DPYSL2: variants seen among roughly 807,000 people sequenced by gnomAD.
DPYSL2 encodes dihydropyrimidinase like 2.
Under a neutral mutation model 69.9 loss-of-function variants are expected in DPYSL2, and 13 were observed. The ratio of observed to expected loss-of-function variants is 0.19; its 90% CI spans 0.12 to 0.30. DPYSL2 has a LOEUF of 0.30. DPYSL2 is among the 10% of genes least tolerant of loss of function. DPYSL2 has a pLI of 1.00. For synonymous variants in DPYSL2, 326 were observed against 359.1 expected (o/e 0.91, Z 1.04); for missense variants, 587 against 918.9 (o/e 0.64, Z 4.67).
At chr8:26,539,802 A>G (rs902096171) in intron 1 of DPYSL2, among the ~76,000 whole-genome samples, 4 of 152,140 alleles carry the variant, frequency 2.6e-5, no homozygotes, top group Non-Finnish European at 5.9e-5. Flanking sequence ...GCCCTGCCAG[A>G]GTAGGATCGC....
intron 1 of DPYSL2, chr8:26,577,131 G>C (rs184408231): frequency 4.5e-6 from 2 of 444,604 alleles, no homozygotes; most frequent in South Asian, 1.6e-5. Context: ...TTCCCGGCTC[G>C]GAGTTGGAAG....
chr8:26,520,745 G>T (rs1411769635), intron 1 of DPYSL2, among the ~76,000 whole-genome samples: 1 of 152,138 alleles, frequency 6.6e-6, no homozygotes, highest in Non-Finnish European at 1.5e-5. Context: ...ACCATGACCA[G>T]GTGGCTTGAA....
intron 1 of DPYSL2, among the ~76,000 whole-genome samples, chr8:26,521,713 CT>C (rs200173008): frequency 2.0e-5 from 3 of 151,166 alleles, no homozygotes; most frequent in African/African-American, 4.9e-5. Flanking sequence ...CTGCATTCTG[CT>C]TTTTTTTTCC....
chr8:26,556,169 ATATATAG>A lies in DPYSL2; in HGVS notation c.355-25793_355-25787del, dbSNP rs1462157581. 4.8e-4 allele frequency among the ~76,000 whole-genome samples: 14 copies of A among 29,098 alleles called. 1 individual carries two copies. The highest frequency in any genetic ancestry group is 6.3e-4 in the Non-Finnish European group (11 of 17,514). 19.1% of individuals were successfully genotyped at this position (29,098 alleles called of 152,430 possible). A position where few individuals can be genotyped will look rare whatever the true frequency, so the allele number is the denominator to read the frequency against. On this transcript the variant is annotated intron_variant, in intron 1 of 13. Transcript: ENST00000521913. ...GTATATACTATATATAGTATATACT[ATATATAG>A]TATATACTATATATATTATATATAC... is the stretch of plus-strand genomic sequence containing the variant.
chr8:26,565,701 AGG>A lies in DPYSL2; in HGVS notation c.355-16267_355-16266del, dbSNP rs1801137211. The stretch of plus-strand genomic sequence containing the variant: ...CTATGTATAATGACTCGAGCACAAA[AGG>A]AGTTTATTTGTATATCACATAATAG... On this transcript the variant is annotated intron_variant, in intron 1 of 13. Coordinates refer to ENST00000521913, the MANE Select transcript of DPYSL2 (RefSeq NM_001197293.3). The surrounding 1 kb of genome is among the most constrained non-coding windows in gnomAD (Gnocchi z 4.1). 1.3e-5 allele frequency among the ~76,000 whole-genome samples: 2 copies of A among 152,214 alleles called. 1 individual carries two copies. The highest frequency in any genetic ancestry group is 4.1e-4 in the South Asian group (2 of 4,834).
chr8:26,515,037 G>C (rs1808254532), intron 1 of DPYSL2, among the ~76,000 whole-genome samples: 1 of 152,216 alleles, frequency 6.6e-6, no homozygotes, highest in Admixed American at 6.5e-5. Flanking sequence ...TTGCAGCTGC[G>C]GCTGGGTGCC....
At chr8:26,545,902 T>C (rs945507269) in intron 1 of DPYSL2, among the ~76,000 whole-genome samples, 1 of 152,244 alleles carries the variant, frequency 6.6e-6, no homozygotes, top group African/African-American at 2.4e-5. Flanking sequence ...CATAGCTTTA[T>C]AGTAAATCTT....
intron 3 of DPYSL2, among the ~76,000 whole-genome samples, chr8:26,622,142 CTT>C (rs1232485910): frequency 1.6e-4 from 8 of 50,970 alleles, no homozygotes; most frequent in East Asian, 5.4e-4. Flanking sequence ...TCCTTCCTTC[CTT>C]CCTTCCTTCC....
chr8:26,655,797 GTTT>G lies in DPYSL2; in HGVS notation c.*100_*102del. The G allele has an allele frequency of 3.8e-6, 3 of 785,338 alleles. No individual in the cohort carries two copies. The highest frequency in any genetic ancestry group is 5.2e-6 in the Non-Finnish European group (3 of 574,108). 48.6% of individuals were successfully genotyped at this position (785,338 alleles called of 1,614,324 possible). ...TTTCTTCCTTCCTTTTTTTTTTTTTGTTTTTTTTTTTAAGAGCCTGTGATAGTT... is the reference window on the plus strand; with the variant it reads ...TTTCTTCCTTCCTTTTTTTTTTTTTGTTTTTTTTAAGAGCCTGTGATAGTT... On this transcript the variant is annotated 3_prime_UTR_variant, in exon 14 of 14. Transcript: ENST00000521913.
intron 1 of DPYSL2, chr8:26,548,126 G>A (rs1800810446): frequency 4.6e-6 from 1 of 218,894 alleles, no homozygotes; most frequent in Non-Finnish European, 9.5e-6. Flanking sequence ...GGGAGAAGGT[G>A]CTGGAGAGGA....
intron 1 of DPYSL2, among the ~76,000 whole-genome samples, chr8:26,544,189 G>A (rs1026114848): frequency 2.0e-5 from 3 of 152,146 alleles, no homozygotes; most frequent in African/African-American, 7.2e-5. Context: ...ATCAGGACTT[G>A]CTTGTCCTTT....
chr8:26,617,865 G>T lies in DPYSL2; in HGVS notation c.629-6278G>T, dbSNP rs1802391548. ...AGTAGCAGGGGTAGGAGGGAATGGG[G>T]AGTGACTGTAAGTGGGTACCAGGTT... is the stretch of plus-strand genomic sequence containing the variant. On this transcript the variant is annotated intron_variant, in intron 3 of 13. Coordinates refer to ENST00000521913, the MANE Select transcript of DPYSL2 (RefSeq NM_001197293.3). This position sits in a 1 kb window ranked among gnomAD's most constrained non-coding sequence, Gnocchi z 4.7. Among the ~76,000 whole-genome samples, 1 of 152,182 alleles carries T rather than the reference G, an allele frequency of 6.6e-6. No individual in the cohort carries two copies. Among genetic ancestry groups the T allele is most frequent in the Admixed American group, 6.5e-5 (1 of 15,284 alleles).
Position 26,583,857 on chromosome 8 carries a change from C to T in DPYSL2, c.502C>T (p.Arg168Trp), listed in dbSNP as rs1331172856. The T allele has an allele frequency of 1.5e-5, 24 of 1,614,012 alleles. No homozygotes were observed. The highest frequency in any genetic ancestry group is 3.3e-4 in the Middle Eastern group (2 of 6,084). ...AGTGAAGACCATCGAGGCCCACTCC[C>T]GGATGGTGATCCCCGGAGGAATTGA... is the stretch of plus-strand genomic sequence containing the variant. Reference protein sequence around the residue: ...GGVKTIEAHSRMVIPGGIDVH... With the variant: ...GGVKTIEAHSWMVIPGGIDVH... Residue 168 changes from arginine (R) to tryptophan (W), a missense_variant, in exon 3 of 14, where the codon CGG (arginine) becomes TGG (tryptophan). Arg to Trp is a moderately radical substitution (Grantham distance 101). This residue lies in a region of DPYSL2 where 452 missense variants were observed against 754.3 expected (regional missense o/e 0.60). Coordinates refer to ENST00000521913, the MANE Select transcript of DPYSL2 (RefSeq NM_001197293.3).
intron 1 of DPYSL2, among the ~76,000 whole-genome samples, chr8:26,530,929 C>T (rs899340151): frequency 6.6e-6 from 1 of 151,996 alleles, no homozygotes; most frequent in Non-Finnish European, 1.5e-5. Context: ...TGTGGTGGCT[C>T]AGGCCTGTAG....
chr8:26,567,469 G>A (rs1801171000), intron 1 of DPYSL2, among the ~76,000 whole-genome samples: 1 of 152,218 alleles, frequency 6.6e-6, no homozygotes, highest in Non-Finnish European at 1.5e-5. Context: ...TACAGGCAAG[G>A]CCTTACGGTG....
rs1306382180 is a variant in DPYSL2 at position 26,641,180 on chromosome 8, G to A, written c.1127-2259G>A. Among the ~76,000 whole-genome samples, 9 of 152,318 alleles carry A rather than the reference G, an allele frequency of 5.9e-5. No homozygotes were observed. The South Asian group carries it at 1.9e-3, about 32-fold the overall frequency. ...ACAGGGAGAGGATGAGCGTCGGCAA[G>A]TTACAGGAAACTCAGGAAAATGTTT... On this transcript the variant is annotated intron_variant, in intron 8 of 13. Transcript: ENST00000521913. The surrounding 1 kb of genome is among the most constrained non-coding windows in gnomAD (Gnocchi z 4.1).
intron 13 of DPYSL2, among the ~76,000 whole-genome samples, chr8:26,655,171 G>A (rs896217807): frequency 3.3e-5 from 5 of 152,000 alleles, no homozygotes; most frequent in Non-Finnish European, 7.4e-5. Context: ...CCCTTCTGTA[G>A]TCTAAACTTC....
chr8:26,639,874 C>T (rs1803002032), intron 8 of DPYSL2, among the ~76,000 whole-genome samples: 1 of 152,198 alleles, frequency 6.6e-6, no homozygotes, highest in Admixed American at 6.5e-5. Context: ...GAACGAATTT[C>T]AGAAACCTCA....
In DPYSL2 at chr8:26,626,662, A is replaced by G; in HGVS notation, c.839A>G (p.Gln280Arg). ...TACATGGCTTTCAAAGATCGCTTCC[A>G]GCTAACGGATTGCCAGGTAAGAAAG... Reference protein sequence around the residue: ...LVYMAFKDRFQLTDCQIYEVL... With the variant: ...LVYMAFKDRFRLTDCQIYEVL... Residue 280 changes from glutamine (Q) to arginine (R), a missense_variant, in exon 5 of 14, where the codon CAG (glutamine) becomes CGG (arginine). Around this residue, in one of 3 missense-constraint regions of DPYSL2, gnomAD observed 452 missense variants for 754.3 expected, o/e 0.60. Transcript: ENST00000521913. The surrounding 1 kb of genome is among the most constrained non-coding windows in gnomAD (Gnocchi z 4.3). 6.2e-7 allele frequency: 1 copy of G among 1,614,208 alleles called. No individual in the cohort carries two copies. The highest frequency in any genetic ancestry group is 1.1e-5 in the South Asian group (1 of 91,082).
Sources: gnomAD v4.1 joint callset for allele counts (sites outside exome capture counted in the v4.1 genomes callset) on GRCh38, gnomAD v4.1.1 for gene constraint, gnomAD v4.1.1 regional missense constraint, Gnocchi (gnomAD v3.1) non-coding constraint, MANE v1.5 for transcripts, NCBI Gene and HGNC (gene_info 2026-07-23, HGNC 2026-07-21) for gene names.